The following SLC9A9 variants were observed in gnomAD, a reference collection of about 807,000 sequenced individuals.
SLC9A9 encodes the protein solute carrier family 9 member A9.
SLC9A9 carries 62 observed loss-of-function variants against 77.8 expected under a neutral mutation model. That is an observed-to-expected ratio of 0.80 (90% confidence interval 0.65 to 0.98). The LOEUF (loss-of-function observed/expected upper bound fraction) is 0.98. SLC9A9 is among the 50% of genes least tolerant of loss of function. The pLI is 0.00. For missense variants in SLC9A9, 775 were observed against 774.9 expected, an observed-to-expected ratio of 1.00 and a Z score of 0.00; for synonymous variants, 320 against 283.5, an observed-to-expected ratio of 1.13 and a Z score of -1.29.
At chr3:143,715,055 C>T (rs1934300046) in intron 4 of SLC9A9, among the ~76,000 whole-genome samples, 1 of 152,214 alleles carries the variant, frequency 6.6e-6, no homozygotes, top group Non-Finnish European at 1.5e-5. Flanking sequence ...ACTTGTTCCT[C>T]CTTGCCTTCC....
chr3:143,520,509 C>T (rs9873331), intron 9 of SLC9A9, among the ~76,000 whole-genome samples: 33,587 of 152,136 alleles, frequency 0.22, 4,813 homozygotes, highest in Non-Finnish European at 0.33. Context: ...TCTGTTATAG[C>T]AGTCCAAACT....
intron 1 of SLC9A9, among the ~76,000 whole-genome samples, chr3:143,844,076 A>G (rs967487713): frequency 2.0e-5 from 3 of 152,202 alleles, no homozygotes; most frequent in African/African-American, 4.8e-5. Flanking sequence ...CCTATTTTTT[A>G]TATAATGGAT....
chr3:143,691,083 G>C (rs1933447028), intron 5 of SLC9A9, among the ~76,000 whole-genome samples: 2 of 152,080 alleles, frequency 1.3e-5, no homozygotes, highest in South Asian at 4.1e-4. Flanking sequence ...CTGATACTTG[G>C]TCTGTGGTTG....
chr3:143,718,601 G>T (rs886069515), intron 4 of SLC9A9, among the ~76,000 whole-genome samples: 1 of 152,100 alleles, frequency 6.6e-6, no homozygotes, highest in Non-Finnish European at 1.5e-5. Context: ...CCACCTTCCT[G>T]GCCCCTTCCC....
intron 2 of SLC9A9, among the ~76,000 whole-genome samples, chr3:143,811,316 T>A (rs1416971372): frequency 6.6e-6 from 1 of 152,144 alleles, no homozygotes; most frequent in Non-Finnish European, 1.5e-5. Context: ...CCTTAAGTTA[T>A]GCTTTGGTTT....
At chr3:143,701,342 G>A (rs1477325269) in intron 4 of SLC9A9, among the ~76,000 whole-genome samples, 1 of 152,080 alleles carries the variant, frequency 6.6e-6, no homozygotes, top group Non-Finnish European at 1.5e-5. Context: ...AAGCAACAGA[G>A]ATATATGACC....
chr3:143,470,819 T>A (rs1208234273), intron 11 of SLC9A9, among the ~76,000 whole-genome samples: 5 of 152,216 alleles, frequency 3.3e-5, no homozygotes, highest in African/African-American at 9.6e-5. Flanking sequence ...GTTATTATGT[T>A]AAACTAGGGC....
At chr3:143,825,194 A>C (rs1426181688) in intron 2 of SLC9A9, among the ~76,000 whole-genome samples, 1 of 152,206 alleles carries the variant, frequency 6.6e-6, no homozygotes, top group Non-Finnish European at 1.5e-5. Flanking sequence ...ATCCTCCCCA[A>C]GAGTGTCCTA....
chr3:143,614,670 T>C (rs2038075514), intron 6 of SLC9A9, among the ~76,000 whole-genome samples: 1 of 152,214 alleles, frequency 6.6e-6, no homozygotes. Flanking sequence ...GTGAGACAGA[T>C]ATAAACCACA....
At chr3:143,540,237 C>T (rs2036664924) in intron 9 of SLC9A9, among the ~76,000 whole-genome samples, 2 of 152,174 alleles carry the variant, frequency 1.3e-5, no homozygotes, top group South Asian at 2.1e-4. Context: ...TTCAAGTACT[C>T]TTAGTTATGT....
chr3:143,351,715 G>A (rs1304539105), intron 14 of SLC9A9, among the ~76,000 whole-genome samples: 2 of 152,148 alleles, frequency 1.3e-5, no homozygotes, highest in African/African-American at 4.8e-5. Context: ...AAATCAGCTA[G>A]AATTTAAAAA....
chr3:143,579,083 C>T (rs1402647978), intron 6 of SLC9A9, among the ~76,000 whole-genome samples: 2 of 152,184 alleles, frequency 1.3e-5, no homozygotes, highest in African/African-American at 4.8e-5. Flanking sequence ...GTCTTCAGTG[C>T]TGTTATATAT....
intron 4 of SLC9A9, among the ~76,000 whole-genome samples, chr3:143,720,856 C>A (rs1188410912): frequency 1.4e-5 from 2 of 145,468 alleles, no homozygotes; most frequent in Non-Finnish European, 2.9e-5. Context: ...TGGGAATAAC[C>A]AATTTACTAT....
intron 9 of SLC9A9, among the ~76,000 whole-genome samples, chr3:143,513,024 T>G (rs1235373861): frequency 6.6e-6 from 1 of 152,248 alleles, no homozygotes; most frequent in Non-Finnish European, 1.5e-5. Context: ...AGATGTTTAA[T>G]GGCTCCTGAC....
intron 6 of SLC9A9, among the ~76,000 whole-genome samples, chr3:143,580,306 G>A (rs2037431108): frequency 1.3e-5 from 2 of 152,172 alleles, no homozygotes; most frequent in South Asian, 2.1e-4. Flanking sequence ...CTGCCCTTCA[G>A]ACAAAGGTTT....
intron 14 of SLC9A9, among the ~76,000 whole-genome samples, chr3:143,334,797 G>C (rs747466600): frequency 3.3e-5 from 5 of 152,090 alleles, no homozygotes; most frequent in Admixed American, 6.6e-5. Flanking sequence ...AACTCATAAA[G>C]ATATGCCAAG....
chr3:143,636,676 C>T (rs899658052), intron 6 of SLC9A9, among the ~76,000 whole-genome samples: 1 of 152,146 alleles, frequency 6.6e-6, no homozygotes. Flanking sequence ...TTTATGTCCA[C>T]GTGTACCCAT....
At chr3:143,571,584 T>C (rs1307653396) in intron 8 of SLC9A9, among the ~76,000 whole-genome samples, 1 of 151,606 alleles carries the variant, frequency 6.6e-6, no homozygotes, top group Non-Finnish European at 1.5e-5. Context: ...TCCCCTAAAA[T>C]TTTAGTATGA....
chr3:143,514,624 C>T (rs2036173495), intron 9 of SLC9A9, among the ~76,000 whole-genome samples: 1 of 152,236 alleles, frequency 6.6e-6, no homozygotes, highest in African/African-American at 2.4e-5. Flanking sequence ...TGCTGCTTCA[C>T]CTTGCACTTT....
Sources: allele counts gnomAD v4.1 joint callset (sites outside exome capture counted in the v4.1 genomes callset), GRCh38; gene constraint gnomAD v4.1.1; transcripts MANE v1.5; gene names NCBI Gene and HGNC (gene_info 2026-07-23, HGNC 2026-07-21).